LRRC37A2: variants seen among roughly 807,000 people sequenced by gnomAD.
LRRC37A2 encodes leucine rich repeat containing 37 member A2.
Under a neutral mutation model 68.8 loss-of-function variants are expected in LRRC37A2, and 9 were observed. The ratio of observed to expected loss-of-function variants is 0.13; its 90% CI spans 0.08 to 0.23. LRRC37A2 has a LOEUF of 0.23. LRRC37A2 is among the 10% of genes least tolerant of loss of function. The pLI is 1.00. For synonymous variants in LRRC37A2, 63 were observed against 367.6 expected (o/e 0.17, Z 9.48); for missense variants, 168 against 950.4 (o/e 0.18, Z 10.82).
the LRRC37A2 span, among the ~76,000 whole-genome samples, chr17:46,867,686 A>C: frequency 6.6e-6 from 1 of 152,200 alleles, no homozygotes; most frequent in East Asian, 1.9e-4. Context: ...AGCTTTAGCC[A>C]CAATTGTGGG....
the LRRC37A2 span, among the ~76,000 whole-genome samples, chr17:46,499,311 C>CAAAAAAAA: frequency 3.3e-5 from 2 of 60,544 alleles, no homozygotes; most frequent in Non-Finnish European, 5.4e-5. Context: ...GACTCCAGCT[C>CAAAAAAAA]AAAAAAAAAA....
chr17:46,846,435 A>T, the LRRC37A2 span, among the ~76,000 whole-genome samples: 1 of 152,238 alleles, frequency 6.6e-6, no homozygotes, highest in East Asian at 1.9e-4. Context: ...AGGTGTCTGC[A>T]GTCTACACAT....
chr17:46,809,781 G>C, the LRRC37A2 span, among the ~76,000 whole-genome samples: 1 of 152,140 alleles, frequency 6.6e-6, no homozygotes, highest in Non-Finnish European at 1.5e-5. Context: ...CCCGTGACCA[G>C]TTGGCTTCAG....
At chr17:46,789,468 A>T in the LRRC37A2 span, among the ~76,000 whole-genome samples, 1 of 152,234 alleles carries the variant, frequency 6.6e-6, no homozygotes, top group African/African-American at 2.4e-5. Flanking sequence ...GATCATTAAA[A>T]GCCTCCACCA....
At chr17:46,461,921 C>T in the LRRC37A2 span, among the ~76,000 whole-genome samples, 24 of 61,904 alleles carry the variant, frequency 3.9e-4, 1 homozygote, top group Admixed American at 3.5e-3. Context: ...TGCTTGAACC[C>T]GGGAGGCGGA....
the LRRC37A2 span, among the ~76,000 whole-genome samples, chr17:47,013,862 C>T: frequency 1.6e-4 from 24 of 152,268 alleles, no homozygotes; most frequent in East Asian, 1.9e-3. Context: ...GGGCTGGGCG[C>T]GGTGGCTCAC....
At chr17:47,024,094 T>G in the LRRC37A2 span, among the ~76,000 whole-genome samples, 1 of 152,190 alleles carries the variant, frequency 6.6e-6, no homozygotes, top group African/African-American at 2.4e-5. Context: ...AGGTGGCTCA[T>G]GTCTGCAGTC....
the LRRC37A2 span, chr17:46,769,689 G>T: frequency 1.3e-6 from 2 of 1,539,620 alleles, no homozygotes; most frequent in South Asian, 1.1e-5. Context: ...GACCCACAGG[G>T]CTGCCGGAAG....
At chr17:46,534,248 G>T (rs1309741796) in intron 6 of LRRC37A2, among the ~76,000 whole-genome samples, 1 of 145,666 alleles carries the variant, frequency 6.9e-6, no homozygotes, top group Admixed American at 6.7e-5. Context: ...CTCGCAGAGG[G>T]GGATTTGGCA....
chr17:47,032,937 G>A, the LRRC37A2 span, among the ~76,000 whole-genome samples: 3 of 152,190 alleles, frequency 2.0e-5, no homozygotes, highest in Admixed American at 1.3e-4. Context: ...CAGGCTCACA[G>A]CTGGGCATGG....
the LRRC37A2 span, among the ~76,000 whole-genome samples, chr17:46,684,426 A>G: frequency 6.6e-6 from 1 of 151,856 alleles, no homozygotes; most frequent in East Asian, 1.9e-4. Context: ...CTCAATAAAC[A>G]TGTGTGCATG....
the LRRC37A2 span, chr17:46,935,527 T>C: frequency 2.4e-6 from 3 of 1,271,018 alleles, no homozygotes; most frequent in Non-Finnish European, 3.0e-6. Flanking sequence ...GGCTGTCCTT[T>C]GGTACCTCGC....
At chr17:46,979,637 C>T in the LRRC37A2 span, among the ~76,000 whole-genome samples, 1 of 152,166 alleles carries the variant, frequency 6.6e-6, no homozygotes, top group Non-Finnish European at 1.5e-5. Context: ...CTGCCCACTC[C>T]ACTGGCCCCG....
chr17:46,749,166 T>C, the LRRC37A2 span, among the ~76,000 whole-genome samples: 1 of 152,162 alleles, frequency 6.6e-6, no homozygotes. Context: ...GAATTGAAAA[T>C]GGTTGCCTTT....
chr17:46,947,925 C>T, the LRRC37A2 span, among the ~76,000 whole-genome samples: 18 of 152,182 alleles, frequency 1.2e-4, no homozygotes, highest in African/African-American at 4.1e-4. Flanking sequence ...TGTGCCACCA[C>T]GCCTGGCTAA....
chr17:46,751,670 C>T, the LRRC37A2 span: 7 of 1,067,744 alleles, frequency 6.6e-6, no homozygotes, highest in Admixed American at 1.5e-4. Context: ...TCAGGACACA[C>T]CAAGAGGGTT....
chr17:46,870,437 C>T, the LRRC37A2 span, among the ~76,000 whole-genome samples: 2 of 151,896 alleles, frequency 1.3e-5, no homozygotes, highest in African/African-American at 4.8e-5. Flanking sequence ...ACCTGGTGGA[C>T]TGGAAAATTA....
At chr17:46,790,299 C>T in the LRRC37A2 span, among the ~76,000 whole-genome samples, 1 of 152,178 alleles carries the variant, frequency 6.6e-6, no homozygotes, top group Non-Finnish European at 1.5e-5. Flanking sequence ...GACTTCATTA[C>T]ACATTCCAGC....
chr17:46,847,579 G>A, the LRRC37A2 span, among the ~76,000 whole-genome samples: 1 of 152,198 alleles, frequency 6.6e-6, no homozygotes, highest in Non-Finnish European at 1.5e-5. Flanking sequence ...AGAGGGACAG[G>A]TGAGCCCACA....
Sources: gnomAD v4.1 joint callset for allele counts (sites outside exome capture counted in the v4.1 genomes callset) on GRCh38, gnomAD v4.1.1 for gene constraint, MANE v1.5 for transcripts, NCBI Gene and HGNC (gene_info 2026-07-23, HGNC 2026-07-21) for gene names.